Variants in TRIM49C observed in about 807,000 individuals in gnomAD.
TRIM49C encodes tripartite motif-containing protein 49C.
In TRIM49C, 6 loss-of-function variants were observed where a neutral mutation model predicts 21.4. The ratio of observed to expected loss-of-function variants is 0.28; its 90% CI spans 0.15 to 0.55. TRIM49C has a LOEUF of 0.55. Ranked by LOEUF, TRIM49C falls within the 20% of genes least tolerant of loss-of-function variation. TRIM49C has a pLI of 0.94. For missense variants in TRIM49C, 161 were observed against 442.4 expected, an observed-to-expected ratio of 0.36 and a Z score of 5.71; for synonymous variants, 57 against 148.1, an observed-to-expected ratio of 0.38 and a Z score of 4.47.
chr11:90,055,647 A>G, the TRIM49C span, among the ~76,000 whole-genome samples: 3 of 149,964 alleles, frequency 2.0e-5, no homozygotes, highest in African/African-American at 7.3e-5. Context: ...GAATAAATGC[A>G]TTGTGAAAAA....
At chr11:90,071,339 T>G in the TRIM49C span, among the ~76,000 whole-genome samples, 1 of 141,346 alleles carries the variant, frequency 7.1e-6, no homozygotes, top group African/African-American at 2.5e-5. Context: ...ATGTTACCTA[T>G]GCCTCTTATC....
At chr11:90,060,653 AG>A in the TRIM49C span, among the ~76,000 whole-genome samples, 8 of 134,324 alleles carry the variant, frequency 6.0e-5, no homozygotes, top group Non-Finnish European at 1.3e-4. Flanking sequence ...TGCCCAGGCA[AG>A]GGGAAACCCC....
At chr11:90,063,097 C>G in the TRIM49C span, 3 of 983,238 alleles carry the variant, frequency 3.1e-6, 1 homozygote. Flanking sequence ...TTTTCTTTGT[C>G]TACTTGAGCT....
At chr11:90,066,456 C>CT in the TRIM49C span, among the ~76,000 whole-genome samples, 1 of 118,792 alleles carries the variant, frequency 8.4e-6, no homozygotes, top group African/African-American at 3.0e-5. Context: ...CTGTGTAACT[C>CT]TGTTGTTTAA....
the TRIM49C span, chr11:90,073,054 C>G: frequency 1.5e-6 from 1 of 660,586 alleles, no homozygotes; most frequent in Non-Finnish European, 2.7e-6. Context: ...TCTCCTCTGG[C>G]AAACACTACT....
chr11:90,048,663 T>G, the TRIM49C span, among the ~76,000 whole-genome samples: 86 of 134,060 alleles, frequency 6.4e-4, 1 homozygote, highest in African/African-American at 2.5e-3. Context: ...AGTTAGCCAT[T>G]CATCTAATCT....
intron 1 of TRIM49C, among the ~76,000 whole-genome samples, chr11:90,032,069 A>G (rs1421024593): frequency 7.3e-6 from 1 of 136,414 alleles, no homozygotes; most frequent in Non-Finnish European, 1.6e-5. Flanking sequence ...TCAAGGCTGC[A>G]GGGAGCTATG....
At chr11:90,065,217 TA>T in the TRIM49C span, among the ~76,000 whole-genome samples, 1 of 122,072 alleles carries the variant, frequency 8.2e-6, no homozygotes, top group Non-Finnish European at 1.7e-5. Context: ...TGATTTTCTG[TA>T]AAATCACTAA....
the TRIM49C span, among the ~76,000 whole-genome samples, chr11:90,068,575 A>G: frequency 6.9e-6 from 1 of 144,970 alleles, no homozygotes; most frequent in Non-Finnish European, 1.5e-5. Flanking sequence ...TCAAGTGCCT[A>G]CTGTGTCTTA....
downstream of TRIM49C, among the ~76,000 whole-genome samples, chr11:90,045,693 T>C (rs1198535761): frequency 2.3e-4 from 22 of 94,504 alleles, 3 homozygotes; most frequent in East Asian, 6.7e-3. Context: ...GATGGGGTTT[T>C]CTAAACATAC....
chr11:90,033,117 T>C lies in TRIM49C; in HGVS notation c.-5+535T>C, dbSNP rs1459352495. On this transcript the variant is annotated intron_variant, in intron 2 of 7. Transcript: ENST00000448984. ...TTATAAGACCTAATTTGGTATGTGA[T>C]TGTGATTGTCATCTCACTTGAGTCT... is the stretch of plus-strand genomic sequence containing the variant. 6.6e-5 allele frequency among the ~76,000 whole-genome samples: 9 copies of C among 137,182 alleles called. 1 individual carries two copies. Among genetic ancestry groups the C allele is most frequent in the African/African-American group, 2.1e-4 (8 of 37,664 alleles). The allele number at this position is 137,182 out of a possible 152,430, so 90.0% of individuals were successfully genotyped here. A position where few individuals can be genotyped will look rare whatever the true frequency, so the allele number is the denominator to read the frequency against.
At chr11:90,044,761 C>G (rs1036925832), downstream of TRIM49C, among the ~76,000 whole-genome samples, 1 of 119,438 alleles carries the variant, frequency 8.4e-6, no homozygotes, top group Non-Finnish European at 1.7e-5. Flanking sequence ...TTTTGCTGTG[C>G]AGGAGCTCTT....
At chr11:90,053,911 T>C in the TRIM49C span, among the ~76,000 whole-genome samples, 1 of 144,538 alleles carries the variant, frequency 6.9e-6, no homozygotes, top group Non-Finnish European at 1.5e-5. Context: ...TCTTAGGACA[T>C]TGATAAAATC....
the TRIM49C span, among the ~76,000 whole-genome samples, chr11:90,067,725 A>G: frequency 1.8e-4 from 25 of 140,226 alleles, 1 homozygote; most frequent in South Asian, 4.8e-4. Flanking sequence ...TTTATATGTT[A>G]TGTGTATACT....
At chr11:90,056,207 G>A in the TRIM49C span, among the ~76,000 whole-genome samples, 29 of 137,442 alleles carry the variant, frequency 2.1e-4, 1 homozygote, top group African/African-American at 6.5e-4. Context: ...TGATCCGCCC[G>A]CCTCGGCCTC....
chr11:90,036,070 A>T lies in TRIM49C; in HGVS notation c.507+87A>T. The stretch of plus-strand genomic sequence containing the variant: ...AAATAGGAACTTGATATCAAACTGT[A>T]ATGTTTCTGGGATACAGTAAAAAAA... On this transcript the variant is annotated intron_variant, in intron 4 of 7. Coordinates refer to ENST00000448984, the MANE Select transcript of TRIM49C (RefSeq NM_001195234.1). The T allele has an allele frequency of 1.5e-5, 14 of 950,016 alleles. 3 individuals are homozygous for T. Among genetic ancestry groups the T allele is most frequent in the Non-Finnish European group, 1.9e-5 (14 of 723,602 alleles). 58.8% of individuals were successfully genotyped at this position (950,016 alleles called of 1,614,324 possible).
In TRIM49C at chr11:90,037,396, T is replaced by C. The variant is rs1201843440; in HGVS notation, c.508-353T>C. On this transcript the variant is annotated intron_variant, in intron 4 of 7. Transcript: ENST00000448984. Reference sequence around the variant, plus strand: ...AGCAACTTGTTGCATATCTCAGAAATAGAAAGAATTGTTTCCTTTCTAGTA... The same window carrying C: ...AGCAACTTGTTGCATATCTCAGAAACAGAAAGAATTGTTTCCTTTCTAGTA... Among the ~76,000 whole-genome samples, 6 of 133,272 alleles carry C rather than the reference T, an allele frequency of 4.5e-5. 2 individuals carry two copies. Among genetic ancestry groups the C allele is most frequent in the Non-Finnish European group, 9.7e-5 (6 of 61,976 alleles). The allele number at this position is 133,272 out of a possible 152,430, so 87.4% of individuals were successfully genotyped here. A position where few individuals can be genotyped will look rare whatever the true frequency, so the allele number is the denominator to read the frequency against.
At chr11:90,032,638 TAG>T (rs1258288360) in intron 2 of TRIM49C, 56 bp downstream of exon 2, 1 of 127,040 alleles carries the variant, frequency 7.9e-6, no homozygotes, top group Non-Finnish European at 1.6e-5. Context: ...AATAATAAAT[TAG>T]AGTGTTAAAA....
the TRIM49C span, chr11:90,052,270 C>T: frequency 4.6e-6 from 1 of 218,454 alleles, no homozygotes; most frequent in Non-Finnish European, 8.7e-6. Flanking sequence ...CTGCCGCCCC[C>T]ACCGACCCCA....
Sources: allele counts gnomAD v4.1 joint callset (sites outside exome capture counted in the v4.1 genomes callset), GRCh38; gene constraint gnomAD v4.1.1; transcripts MANE v1.5; gene names NCBI Gene and HGNC (gene_info 2026-07-23, HGNC 2026-07-21).